The following DAB2IP variants were observed in gnomAD, a reference collection of about 807,000 sequenced individuals.
DAB2IP encodes disabled homolog 2-interacting protein.
In DAB2IP, 28 loss-of-function variants were observed where a neutral mutation model predicts 107.2. That is an observed-to-expected ratio of 0.26 (90% CI 0.19 to 0.36). The LOEUF is 0.36. Among genes scored for constraint, DAB2IP ranks in the 10% least tolerant of loss-of-function variants. DAB2IP has a pLI of 1.00. For synonymous variants in DAB2IP, 755 were observed against 706.4 expected, an observed-to-expected ratio of 1.07 and a Z score of -1.09; for missense variants, 1,400 against 1,644.7, an observed-to-expected ratio of 0.85 and a Z score of 2.57.
intron 2 of DAB2IP, among the ~76,000 whole-genome samples, chr9:121,685,188 T>C (rs1828807683): frequency 1.3e-5 from 2 of 152,128 alleles, no homozygotes; most frequent in East Asian, 1.9e-4. Flanking sequence ...CGGAGGCTGA[T>C]TGGTATTAAA....
intron 3 of DAB2IP, among the ~76,000 whole-genome samples, chr9:121,705,404 G>T (rs1257541270): frequency 6.6e-6 from 1 of 152,244 alleles, no homozygotes; most frequent in African/African-American, 2.4e-5. Context: ...GGGTGAGACT[G>T]TATAAAGTTG....
intron 3 of DAB2IP, among the ~76,000 whole-genome samples, chr9:121,725,724 G>A (rs944797990): frequency 1.3e-5 from 2 of 152,198 alleles, no homozygotes; most frequent in Admixed American, 6.5e-5. Context: ...TTCCCTTGAG[G>A]GAGGGAAAGG....
intron 1 of DAB2IP, among the ~76,000 whole-genome samples, chr9:121,571,009 C>T (rs1048726830): frequency 2.0e-5 from 3 of 152,056 alleles, no homozygotes; most frequent in Admixed American, 1.3e-4. Context: ...CCCTCACTCC[C>T]TCGCTTCCCG....
At chr9:121,741,806 G>A (rs1036712192) in intron 3 of DAB2IP, among the ~76,000 whole-genome samples, 2 of 150,026 alleles carry the variant, frequency 1.3e-5, no homozygotes, top group Non-Finnish European at 3.0e-5. Context: ...TTTGTTACGC[G>A]CTCACTCTCA....
intron 3 of DAB2IP, among the ~76,000 whole-genome samples, chr9:121,707,830 G>A (rs1045331657): frequency 6.6e-6 from 1 of 152,180 alleles, no homozygotes; most frequent in African/African-American, 2.4e-5. Context: ...TTCTGGCTTG[G>A]GAGGAGATTG....
In DAB2IP at chr9:121,596,049, G is replaced by A. The variant is rs531246561; in HGVS notation, c.40+28821G>A. ...CAAATAAAAATATTAGGCCAGGCGC[G>A]GTGGCTCATGCCTGTAATCCCAGCA... On this transcript the variant is annotated intron_variant, in intron 1 of 16. Transcript: ENST00000259371. Among the ~76,000 whole-genome samples the A allele has an allele frequency of 6.6e-5, 10 of 152,224 alleles. No homozygotes were observed. The South Asian group carries it at 1.7e-3, about 25-fold the overall frequency.
chr9:121,590,345 C>A (rs974675768), intron 1 of DAB2IP, among the ~76,000 whole-genome samples: 2 of 151,434 alleles, frequency 1.3e-5, no homozygotes, highest in Non-Finnish European at 1.5e-5. Flanking sequence ...GGGCCTGGGT[C>A]TTCATCCTAT....
At chr9:121,613,888 A>T (rs1265186048) in intron 1 of DAB2IP, among the ~76,000 whole-genome samples, 2 of 152,194 alleles carry the variant, frequency 1.3e-5, no homozygotes, top group Non-Finnish European at 2.9e-5. Flanking sequence ...AAGTCTTCAG[A>T]TGGCAAGAAA....
intron 1 of DAB2IP, among the ~76,000 whole-genome samples, chr9:121,643,044 A>C (rs190699464): frequency 3.9e-5 from 6 of 152,144 alleles, no homozygotes; most frequent in African/African-American, 7.2e-5. Context: ...GCACATTCAG[A>C]GATTGAAAAG....
exon 4 of DAB2IP, chr9:121,757,142 C>T: frequency 1.9e-6 from 3 of 1,614,130 alleles, no homozygotes. Context: ...ACAGCAGCAT[C>T]CTTGGCCAGG....
At chr9:121,710,204 G>A (rs541173148) in intron 3 of DAB2IP, among the ~76,000 whole-genome samples, 71 of 152,318 alleles carry the variant, frequency 4.7e-4, no homozygotes, top group Non-Finnish European at 8.2e-4. Context: ...GCCCTGAGTC[G>A]GACAGCAGGT....
chr9:121,676,340 T>G (rs968875917), intron 1 of DAB2IP, among the ~76,000 whole-genome samples: 30 of 151,972 alleles, frequency 2.0e-4, no homozygotes, highest in African/African-American at 7.2e-4. Flanking sequence ...TCATCTGTCC[T>G]GTGTGTGTGT....
intron 1 of DAB2IP, among the ~76,000 whole-genome samples, chr9:121,593,192 T>A (rs1402748659): frequency 1.3e-5 from 2 of 152,098 alleles, no homozygotes; most frequent in Non-Finnish European, 2.9e-5. Context: ...CAAGAGATCA[T>A]CCTGCCTCAG....
At chr9:121,757,115 G>T (rs1301152544) in exon 4 of DAB2IP, 2 of 1,614,208 alleles carry the variant, frequency 1.2e-6, no homozygotes, top group South Asian at 2.2e-5. Context: ...AGGAAGAGGT[G>T]GTCATCAAGC....
At chr9:121,680,331 C>T (rs528239470) in intron 2 of DAB2IP, among the ~76,000 whole-genome samples, 1 of 152,288 alleles carries the variant, frequency 6.6e-6, no homozygotes, top group East Asian at 1.9e-4. Flanking sequence ...GATTTCAGTC[C>T]ACTGGGCCAG....
At chr9:121,594,235 AT>A (rs772152487) in intron 1 of DAB2IP, among the ~76,000 whole-genome samples, 4,113 of 131,060 alleles carry the variant, frequency 0.031, 71 homozygotes, top group African/African-American at 0.058. Flanking sequence ...TGAATGCAGC[AT>A]TTTTTTTTTT....
chr9:121,770,492 G>C, intron 10 of DAB2IP, 54 bp from the exon 11 acceptor site: 1 of 1,579,996 alleles, frequency 6.3e-7, no homozygotes. Context: ...AGCACATACA[G>C]CCTACCCATG....
intron 11 of DAB2IP, 32 bp downstream of exon 11, chr9:121,770,756 G>A: frequency 1.2e-6 from 2 of 1,609,398 alleles, no homozygotes; most frequent in East Asian, 2.2e-5. Context: ...GGGTGTGGTG[G>A]GTGCGTGTGC....
At chr9:121,670,045 C>T (rs1319830207) in intron 1 of DAB2IP, among the ~76,000 whole-genome samples, 2 of 152,150 alleles carry the variant, frequency 1.3e-5, no homozygotes, top group African/African-American at 2.4e-5. Flanking sequence ...GTCGCTTGTG[C>T]TCCCCCTTTA....
Sources: allele counts gnomAD v4.1 joint callset (sites outside exome capture counted in the v4.1 genomes callset), GRCh38; gene constraint gnomAD v4.1.1; transcripts MANE v1.5; gene names NCBI Gene and HGNC (gene_info 2026-07-23, HGNC 2026-07-21).